The following CUX1 variants were observed in gnomAD, a reference collection of about 807,000 sequenced individuals.
CUX1 encodes the protein cut like homeobox 1, also known as protein CASP.
CUX1 carries 31 observed loss-of-function variants against 158.8 expected under a neutral mutation model. The ratio of observed to expected loss-of-function variants is 0.20; its 90% CI spans 0.15 to 0.26. The LOEUF is 0.26. Ranked by LOEUF, CUX1 falls within the 10% of genes least tolerant of loss-of-function variation. The pLI, the probability that CUX1 is intolerant of heterozygous loss-of-function variation, is 1.00. For synonymous variants in CUX1, 879 were observed against 862.1 expected, an observed-to-expected ratio of 1.02 and a Z score of -0.34; for missense variants, 1,589 against 2,014.6, an observed-to-expected ratio of 0.79 and a Z score of 4.04.
intron 18 of CUX1, among the ~76,000 whole-genome samples, chr7:102,203,394 C>A (rs1476315449): frequency 6.6e-6 from 1 of 152,076 alleles, no homozygotes; most frequent in Non-Finnish European, 1.5e-5. Flanking sequence ...GCACTCCCCA[C>A]CCCGCCTTCC....
At chr7:102,158,098 C>A (rs1490928217) in intron 8 of CUX1, among the ~76,000 whole-genome samples, 3 of 152,076 alleles carry the variant, frequency 2.0e-5, no homozygotes, top group African/African-American at 7.2e-5. Context: ...CTAAAGTAGC[C>A]TTTCCCCAGC....
At chr7:102,176,458 C>T (rs967202788) in intron 10 of CUX1, among the ~76,000 whole-genome samples, 1 of 152,058 alleles carries the variant, frequency 6.6e-6, no homozygotes, top group Non-Finnish European at 1.5e-5. Flanking sequence ...TCATAGACAC[C>T]ATGCAGCTCT....
At chr7:101,892,636 T>G (rs1407245313) in intron 1 of CUX1, among the ~76,000 whole-genome samples, 1 of 152,218 alleles carries the variant, frequency 6.6e-6, no homozygotes, top group Non-Finnish European at 1.5e-5. Flanking sequence ...CCTATCAGTA[T>G]GTTGTTAGTG....
downstream of CUX1, among the ~76,000 whole-genome samples, chr7:102,259,756 A>AG (rs1790243863): frequency 4.4e-5 from 1 of 22,566 alleles, no homozygotes; most frequent in Non-Finnish European, 1.1e-4. Flanking sequence ...AAAAAAAAAA[A>AG]AGAAAGAAAA....
rs552414271 is a variant in CUX1, at chr7:102,081,828, G to A, written c.268+11411G>A. 8.2e-5 allele frequency among the ~76,000 whole-genome samples: 12 copies of A among 146,396 alleles called. 2 individuals carry two copies. The highest frequency in any genetic ancestry group is 6.8e-3 in the Middle Eastern group (2 of 292). On this transcript the variant is annotated intron_variant, in intron 4 of 23. Transcript: ENST00000292535. ...TCTAGTAGAGACAGAGTTTCACCGT[G>A]TTGGCCAAGCTGATCTCGATCTCCT...
intron 1 of CUX1, among the ~76,000 whole-genome samples, chr7:101,906,310 A>C (rs1271232406): frequency 1.3e-5 from 2 of 151,960 alleles, no homozygotes; most frequent in African/African-American, 4.8e-5. Context: ...CTGGGCACAC[A>C]GGTTCCCATC....
intron 8 of CUX1, among the ~76,000 whole-genome samples, chr7:102,147,019 T>C (rs1835090985): frequency 6.6e-6 from 1 of 152,176 alleles, no homozygotes; most frequent in African/African-American, 2.4e-5. Flanking sequence ...TTTAACTGTC[T>C]CTCGGCACAG....
At chr7:102,123,338 A>G (rs1046504125) in intron 8 of CUX1, among the ~76,000 whole-genome samples, 1 of 151,720 alleles carries the variant, frequency 6.6e-6, no homozygotes, top group East Asian at 2.0e-4. Flanking sequence ...GGCCGGGCGC[A>G]GTGGCTCATG....
chr7:102,132,316 C>T (rs540067278), intron 8 of CUX1, among the ~76,000 whole-genome samples: 59 of 148 alleles, frequency 0.4, 1 homozygote, highest in Non-Finnish European at 0.45. Context: ...TGTGCGCGCG[C>T]GCGCGCGCAC....
chr7:101,866,245 T>C (rs1184838312), intron 1 of CUX1, among the ~76,000 whole-genome samples: 1 of 151,944 alleles, frequency 6.6e-6, no homozygotes, highest in African/African-American at 2.4e-5. Flanking sequence ...GTGGATCACT[T>C]GAGGCCAGGG....
At chr7:101,872,440 AGGATTTTTTTGG>A (rs545562437) in intron 1 of CUX1, among the ~76,000 whole-genome samples, 15 of 152,050 alleles carry the variant, frequency 9.9e-5, no homozygotes, top group African/African-American at 3.4e-4. Context: ...GGCCCATAGA[AGGATTTTTTTGG>A]GGGGAAAGAA....
intron 2 of CUX1, among the ~76,000 whole-genome samples, chr7:101,967,727 C>G (rs1811409745): frequency 6.6e-6 from 1 of 152,138 alleles, no homozygotes; most frequent in Admixed American, 6.6e-5. Flanking sequence ...TAAAAGGTCC[C>G]CAGAAACATA....
intron 2 of CUX1, among the ~76,000 whole-genome samples, chr7:101,997,533 G>A (rs988283710): frequency 4.0e-5 from 6 of 151,620 alleles, no homozygotes; most frequent in Admixed American, 6.6e-5. Context: ...TAGTACAAAC[G>A]GGGTTTCACC....
At chr7:102,034,115 CA>C (rs1821128424) in intron 3 of CUX1, among the ~76,000 whole-genome samples, 1 of 119,896 alleles carries the variant, frequency 8.3e-6, no homozygotes, top group Non-Finnish European at 1.6e-5. Context: ...CACTGGACTC[CA>C]GCCCAGGTGA....
rs754542144 is a variant in CUX1, at chr7:102,069,559, G to GC, written c.190-778dup. Among the ~76,000 whole-genome samples, 73 of 152,256 alleles carry GC rather than the reference G, an allele frequency of 4.8e-4. 1 individual carries two copies. The highest frequency in any genetic ancestry group is 9.1e-4 in the Non-Finnish European group (62 of 68,020). On this transcript the variant is annotated intron_variant, in intron 3 of 23. Coordinates refer to ENST00000292535, the MANE Select transcript of CUX1 (RefSeq NM_181552.4). ...AGGTCAGGAGTTTGAGACCAGCCTG[G>GC]CCAACATGATAAAACCTCGTCTCTA...
intron 8 of CUX1, among the ~76,000 whole-genome samples, chr7:102,121,287 C>A (rs1194808682): frequency 6.6e-6 from 1 of 151,046 alleles, no homozygotes; most frequent in Non-Finnish European, 1.5e-5. Flanking sequence ...TCTGCCTCAG[C>A]TGCTGGAGGA....
In CUX1 at chr7:102,009,713, GTTC is replaced by G. The variant is rs756591835; in HGVS notation, c.142-18380_142-18378del. Among the ~76,000 whole-genome samples the G allele has an allele frequency of 7.5e-4, 114 of 152,322 alleles. 2 individuals carry two copies. Among genetic ancestry groups the G allele is most frequent in the South Asian group, 1.0e-3 (5 of 4,826 alleles). ...CTTCTCTCTCCTTACAGAATCTTCT[GTTC>G]TTCTGCACACCAGCGTGGCAGACAG... is the stretch of plus-strand genomic sequence containing the variant. On this transcript the variant is annotated intron_variant, in intron 2 of 23. Transcript: ENST00000292535.
intron 23 of CUX1, among the ~76,000 whole-genome samples, chr7:102,240,399 G>A (rs1370051533): frequency 2.6e-5 from 4 of 152,058 alleles, no homozygotes; most frequent in African/African-American, 9.7e-5. Flanking sequence ...CTCCTGAGTA[G>A]CTAGGATGCC....
chr7:102,004,663 A>G (rs995126411), intron 2 of CUX1, among the ~76,000 whole-genome samples: 1 of 151,926 alleles, frequency 6.6e-6, no homozygotes. Context: ...TTGGAGAGGG[A>G]TGGGGCTAAG....
Sources: allele counts gnomAD v4.1 joint callset (sites outside exome capture counted in the v4.1 genomes callset), GRCh38; gene constraint gnomAD v4.1.1; transcripts MANE v1.5; gene names NCBI Gene and HGNC (gene_info 2026-07-23, HGNC 2026-07-21).